PTPRC: variants seen among roughly 807,000 people sequenced by gnomAD.
PTPRC encodes receptor-type tyrosine-protein phosphatase C.
PTPRC carries 44 observed loss-of-function variants against 155.9 expected under a neutral mutation model. That is an observed-to-expected ratio of 0.28 (90% CI 0.22 to 0.36). The LOEUF is 0.36. Among genes scored for constraint, PTPRC ranks in the 10% least tolerant of loss-of-function variants. The pLI is 1.00. For missense variants in PTPRC, 1,401 were observed against 1,564.6 expected, an observed-to-expected ratio of 0.90 and a Z score of 1.76; for synonymous variants, 525 against 533.1, an observed-to-expected ratio of 0.98 and a Z score of 0.21.
chr1:198,696,558 A>G (rs748943496), intron 3 of PTPRC, among the ~76,000 whole-genome samples, 154 bp from the exon 4 acceptor site: 32 of 152,200 alleles, frequency 2.1e-4, no homozygotes, highest in South Asian at 2.1e-4. Flanking sequence ...CACCATATAC[A>G]TACACTTATG....
intron 2 of PTPRC, among the ~76,000 whole-genome samples, chr1:198,684,159 C>G (rs1486356261): frequency 6.6e-6 from 1 of 150,920 alleles, no homozygotes; most frequent in East Asian, 1.9e-4. Flanking sequence ...AGAAAAAAAG[C>G]AGTGTAACTG....
rs1340888755 is a variant in PTPRC, at chr1:198,757,330, A to AAAT, written c.*1151_*1153dup. The AAAT allele has an allele frequency of 6.6e-6, 1 of 151,786 alleles. No homozygotes were observed. The highest frequency in any genetic ancestry group is 1.5e-5 in the Non-Finnish European group (1 of 67,800). 9.4% of individuals were successfully genotyped at this position (151,786 alleles called of 1,614,324 possible). Reference sequence around the variant, plus strand: ...ATATGAAATGTGTATGCACCTATTGAAATATGTTTAATGCATTTATTAACA... The same window carrying AAAT: ...ATATGAAATGTGTATGCACCTATTGAAATAATATGTTTAATGCATTTATTAACA... On this transcript the variant is annotated 3_prime_UTR_variant, in exon 33 of 33. Transcript: ENST00000442510.
chr1:198,679,129 G>A, intron 2 of PTPRC: 2 of 205,904 alleles, frequency 9.7e-6, no homozygotes, highest in Admixed American at 4.4e-5. Context: ...TCCCTGAGCT[G>A]CCCCCTACTT....
chr1:198,703,529 C>T, intron 7 of PTPRC, 157 bp downstream of exon 7: 1 of 1,186,118 alleles, frequency 8.4e-7, no homozygotes. Context: ...AGATATTTCT[C>T]TGCTTAGCAG....
intron 2 of PTPRC, among the ~76,000 whole-genome samples, chr1:198,684,674 A>G (rs977258157): frequency 2.7e-5 from 4 of 145,676 alleles, no homozygotes; most frequent in African/African-American, 1.0e-4. Flanking sequence ...TCTTTAAAAC[A>G]AAAAAAAAGA....
intron 20 of PTPRC, among the ~76,000 whole-genome samples, chr1:198,733,985 A>G (rs1654511836): frequency 6.6e-6 from 1 of 151,836 alleles, no homozygotes; most frequent in Admixed American, 6.6e-5. Context: ...CATGAAAGTC[A>G]TGAATATTCT....
chr1:198,642,964 CT>C (rs1179306301), intron 2 of PTPRC, among the ~76,000 whole-genome samples: 2 of 140,574 alleles, frequency 1.4e-5, no homozygotes, highest in East Asian at 4.1e-4. Flanking sequence ...TTCTTTCTTT[CT>C]TTCTTTTTTC....
At chr1:198,721,603 C>G (rs569359989) in intron 14 of PTPRC, among the ~76,000 whole-genome samples, 1 of 151,954 alleles carries the variant, frequency 6.6e-6, no homozygotes, top group South Asian at 2.1e-4. Flanking sequence ...ATTTCTGGTG[C>G]TTTAATTTCT....
chr1:198,668,969 G>A (rs978998322), intron 2 of PTPRC, among the ~76,000 whole-genome samples: 4 of 152,198 alleles, frequency 2.6e-5, no homozygotes, highest in African/African-American at 7.2e-5. Context: ...TAAAGTAGGT[G>A]TAATGTAACA....
Position 198,704,203 on chromosome 1 carries a change from C to G in PTPRC, c.659-269C>G, listed in dbSNP as rs543875686. Among the ~76,000 whole-genome samples, 126 of 152,082 alleles carry G rather than the reference C, an allele frequency of 8.3e-4. 2 individuals carry two copies. Among genetic ancestry groups the G allele is most frequent in the Middle Eastern group, 3.4e-3 (1 of 292 alleles). On this transcript the variant is annotated intron_variant, in intron 7 of 32. Transcript: ENST00000442510. The stretch of plus-strand genomic sequence containing the variant: ...AATCTTCAGCCATGTTGCCATACCG[C>G]CAATTAGATGCGTACCTAAAAGTCT...
intron 2 of PTPRC, among the ~76,000 whole-genome samples, chr1:198,676,488 C>G (rs905444314): frequency 6.6e-6 from 1 of 152,102 alleles, no homozygotes; most frequent in Non-Finnish European, 1.5e-5. Context: ...GTTTCTGAGA[C>G]TTGCATGGCT....
chr1:198,696,731 G>A lies in PTPRC; in HGVS notation c.120G>A (p.Met40Ile). The change falls in exon 4 of 33, where the codon ATG becomes ATA. Residue 40 changes from methionine (M) to isoleucine (I), a missense_variant. Physicochemically the swap from Met to Ile is conservative, Grantham distance 10. Transcript: ENST00000442510. Reference protein sequence around the residue: ...PSPTGLTTAKMPSVPLSSDPL... With the variant: ...PSPTGLTTAKIPSVPLSSDPL... ...TAACAGGATTGACTACAGCAAAGAT[G>A]CCCAGTGTTCCACTTTCAAGTGACC... 1 of 1,613,784 alleles carries A rather than the reference G, an allele frequency of 6.2e-7. No individual in the cohort carries two copies. Among genetic ancestry groups the A allele is most frequent in the Admixed American group, 1.7e-5 (1 of 60,010 alleles).
At chr1:198,709,643 A>T (rs757346788) in intron 10 of PTPRC, 44 bp from the exon 11 acceptor site, 5 of 1,429,476 alleles carry the variant, frequency 3.5e-6, no homozygotes, top group Non-Finnish European at 4.8e-6. Flanking sequence ...GTGTGCGTGA[A>T]ATATTGCATC....
chr1:198,721,901 T>C (rs939818079), intron 14 of PTPRC, among the ~76,000 whole-genome samples: 1 of 151,536 alleles, frequency 6.6e-6, no homozygotes, highest in Admixed American at 6.6e-5. Flanking sequence ...TCCCTGTATA[T>C]GTAAATTGTT....
chr1:198,753,333 T>C (rs1187852932), intron 31 of PTPRC, among the ~76,000 whole-genome samples: 1 of 152,028 alleles, frequency 6.6e-6, no homozygotes, highest in Admixed American at 6.6e-5. Flanking sequence ...ATTTTATTAG[T>C]TTCTTCATCT....
At chr1:198,752,530 C>T (rs888797350) in intron 30 of PTPRC, 64 bp from the exon 31 acceptor site, 8 of 1,546,812 alleles carry the variant, frequency 5.2e-6, no homozygotes, top group Non-Finnish European at 7.1e-6. Context: ...GAAAATATGA[C>T]TATCAAATTA....
Position 198,712,947 on chromosome 1 carries a change from T to C in PTPRC, c.1172-6T>C, listed in dbSNP as rs1257301505. The C allele has an allele frequency of 5.0e-6, 8 of 1,610,790 alleles. No homozygotes were observed. In the Admixed American group the frequency reaches 1.3e-4, roughly 27 times the overall value. On this transcript the variant is annotated splice_polypyrimidine_tract_variant and splice_region_variant and intron_variant, in intron 11 of 32. Coordinates refer to ENST00000442510, the MANE Select transcript of PTPRC (RefSeq NM_002838.5). ...ATATTACATAACATTCTTATTCTTT[T>C]AACAGGTCCAGGAGAGCCTCAGATT...
At chr1:198,746,875 T>C (rs921179110) in intron 26 of PTPRC, among the ~76,000 whole-genome samples, 2 of 151,940 alleles carry the variant, frequency 1.3e-5, no homozygotes, top group African/African-American at 4.8e-5. Context: ...GGTGTTCAAG[T>C]GGCCTAAAAT....
At chr1:198,706,511 T>C (rs1652976012) in intron 8 of PTPRC, among the ~76,000 whole-genome samples, 1 of 152,216 alleles carries the variant, frequency 6.6e-6, no homozygotes, top group African/African-American at 2.4e-5. Context: ...AGACAGACAC[T>C]TATCTGGTAA....
Sources: gnomAD v4.1 joint callset for allele counts (sites outside exome capture counted in the v4.1 genomes callset) on GRCh38, gnomAD v4.1.1 for gene constraint, MANE v1.5 for transcripts, NCBI Gene and HGNC (gene_info 2026-07-23, HGNC 2026-07-21) for gene names.